Variants in WT1 observed in about 807,000 individuals in gnomAD.
WT1 encodes the protein Wilms tumor protein.
A neutral mutation model predicts 60.8 loss-of-function variants in WT1; 8 were observed. The observed-to-expected ratio is 0.13, with a 90% CI of 0.08 to 0.24. The LOEUF is 0.24. Ranked by LOEUF, WT1 falls within the 10% of genes least tolerant of loss-of-function variation. The pLI, the probability that WT1 is intolerant of heterozygous loss-of-function variation, is 1.00. For missense variants in WT1, 568 were observed against 711.8 expected (o/e 0.80, Z 2.30); for synonymous variants, 312 against 297.1 (o/e 1.05, Z -0.52).
At chr11:32,408,814 C>T (rs1852407183) in intron 5 of WT1, among the ~76,000 whole-genome samples, 2 of 152,074 alleles carry the variant, frequency 1.3e-5, no homozygotes, top group South Asian at 4.1e-4. Flanking sequence ...AGGACAACTA[C>T]CAAATAAAAC....
At chr11:32,429,105 C>A in intron 1 of WT1, 1 of 271,800 alleles carries the variant, frequency 3.7e-6, no homozygotes, top group Non-Finnish European at 7.2e-6. Context: ...TACTCGGAGC[C>A]AGTTAAATGG....
intron 3 of WT1, among the ~76,000 whole-genome samples, chr11:32,420,094 G>A (rs1022068721): frequency 9.9e-5 from 15 of 152,128 alleles, no homozygotes; most frequent in Admixed American, 2.6e-4. Flanking sequence ...GTACTGTACT[G>A]TCTAATATGG....
intron 9 of WT1, among the ~76,000 whole-genome samples, chr11:32,390,281 T>C (rs1343328988): frequency 1.3e-5 from 2 of 152,208 alleles, no homozygotes; most frequent in South Asian, 2.1e-4. Flanking sequence ...CACTGAGAAA[T>C]GTCCCAGGAG....
intron 3 of WT1, among the ~76,000 whole-genome samples, chr11:32,422,440 G>T (rs1033897394): frequency 6.6e-6 from 1 of 152,186 alleles, no homozygotes; most frequent in Non-Finnish European, 1.5e-5. Flanking sequence ...GCCTATCATT[G>T]CAGGAAACAA....
At position 32,427,992 on chromosome 11, in the gene WT1, C is replaced by CCGGTGCAGCTGT. The variant is rs1853116094; in HGVS notation, c.839_850dup (p.Asp280_Thr283dup). The CCGGTGCAGCTGT allele has an allele frequency of 6.2e-7, 1 of 1,611,750 alleles. No homozygotes were observed. The highest frequency in any genetic ancestry group is 8.5e-7 in the Non-Finnish European group (1 of 1,179,154). On this transcript the variant is annotated inframe_insertion, in exon 3 of 10. Coordinates refer to ENST00000452863, the MANE Select transcript of WT1 (RefSeq NM_024426.6). ...CGTCCTCAGCAGCAAAGCCTGGCTG[C>CCGGTGCAGCTGT]CGGTGCAGCTGTCGGTGGGGGTGTG... is the stretch of plus-strand genomic sequence containing the variant.
At chr11:32,398,421 A>G (rs1459279101) in intron 6 of WT1, among the ~76,000 whole-genome samples, 5 of 152,234 alleles carry the variant, frequency 3.3e-5, no homozygotes, top group Non-Finnish European at 7.3e-5. Flanking sequence ...GGGAAGGCAG[A>G]CTGAAGGTCT....
chr11:32,435,355 G>A lies in WT1; in HGVS notation c.6C>T (p.Asp2=), dbSNP rs1408850875. Residue 2 remains aspartate, a synonymous_variant, in exon 1 of 10, where the codon GAC becomes GAT. Coordinates refer to ENST00000452863, the MANE Select transcript of WT1 (RefSeq NM_024426.6). ...AAGCCGGGTCCTGCAGCAAGAGGAAGTCCAGGATCGCGGCGAGGAGACGGC... is the reference window on the plus strand; with the variant it reads ...AAGCCGGGTCCTGCAGCAAGAGGAAATCCAGGATCGCGGCGAGGAGACGGC... The A allele has an allele frequency of 6.6e-7, 1 of 1,526,668 alleles. No homozygotes were observed. The highest frequency in any genetic ancestry group is 8.8e-7 in the Non-Finnish European group (1 of 1,142,728). The allele number at this position is 1,526,668 out of a possible 1,614,324, so 94.6% of individuals were successfully genotyped here.
At chr11:32,407,997 C>T (rs916772137) in intron 5 of WT1, among the ~76,000 whole-genome samples, 8 of 151,756 alleles carry the variant, frequency 5.3e-5, no homozygotes, top group Non-Finnish European at 7.4e-5. Context: ...CTGAGGCAGG[C>T]GGATCATTTG....
chr11:32,426,207 C>G (rs1448417494), intron 3 of WT1, among the ~76,000 whole-genome samples: 1 of 152,164 alleles, frequency 6.6e-6, no homozygotes, highest in Non-Finnish European at 1.5e-5. Context: ...AGTGCCCACT[C>G]CCGCATCAAG....
At chr11:32,416,042 T>C (rs1483536254) in intron 5 of WT1, among the ~76,000 whole-genome samples, 1 of 152,164 alleles carries the variant, frequency 6.6e-6, no homozygotes, top group Non-Finnish European at 1.5e-5. Flanking sequence ...AAAACAAACT[T>C]TGAAAAACAA....
In WT1 at chr11:32,434,800, A is replaced by G. The variant is rs2133102109; in HGVS notation, c.561T>C (p.Pro187=). The G allele has an allele frequency of 6.2e-7, 1 of 1,612,552 alleles. No individual in the cohort carries two copies. Among genetic ancestry groups the G allele is most frequent in the Non-Finnish European group, 8.5e-7 (1 of 1,179,786 alleles). The change falls in exon 1 of 10, where the codon CCT becomes CCC. Residue 187 remains proline (P), a synonymous_variant. Transcript: ENST00000452863. ...CGGATGACGCCTGGCTGGGCGGAGG[A>G]GGACCGAAGGGCCCGTAGCGACAGG...
chr11:32,430,814 G>T, intron 1 of WT1: 2 of 1,294,860 alleles, frequency 1.5e-6, no homozygotes, highest in Non-Finnish European at 2.0e-6. Context: ...TGGTGAAAGC[G>T]CCTGCGGAGC....
chr11:32,424,686 T>A (rs1259979763), intron 3 of WT1, among the ~76,000 whole-genome samples: 3 of 152,192 alleles, frequency 2.0e-5, no homozygotes, highest in African/African-American at 7.2e-5. Context: ...CTGTTGTTCA[T>A]AGCCACAACA....
intron 5 of WT1, among the ~76,000 whole-genome samples, chr11:32,402,717 T>C (rs1852193366): frequency 6.6e-6 from 1 of 152,224 alleles, no homozygotes; most frequent in Non-Finnish European, 1.5e-5. Context: ...AGCTGATTTT[T>C]ATTTTTATCT....
intron 5 of WT1, among the ~76,000 whole-genome samples, chr11:32,415,833 C>T (rs1182633184): frequency 6.6e-6 from 1 of 152,032 alleles, no homozygotes; most frequent in Non-Finnish European, 1.5e-5. Context: ...AAGAACCTAA[C>T]AGTAAGTCTT....
At chr11:32,404,375 C>T (rs1245506329) in intron 5 of WT1, among the ~76,000 whole-genome samples, 4 of 151,096 alleles carry the variant, frequency 2.6e-5, no homozygotes, top group Non-Finnish European at 5.9e-5. Context: ...TGCTGAATGA[C>T]AGGGAGAAGG....
intron 6 of WT1, among the ~76,000 whole-genome samples, chr11:32,399,346 A>G (rs1259422458): frequency 6.6e-6 from 1 of 152,168 alleles, no homozygotes; most frequent in Non-Finnish European, 1.5e-5. Context: ...ACAAAAAGTG[A>G]ACCCTAATGT....
intron 1 of WT1, chr11:32,430,706 C>G (rs1853274663): frequency 7.0e-7 from 1 of 1,422,446 alleles, no homozygotes; most frequent in Non-Finnish European, 9.2e-7. Context: ...CCGTGGCCCG[C>G]GAGCCCTCCT....
intron 7 of WT1, 104 bp downstream of exon 7, chr11:32,396,152 CT>C (rs1851962441): frequency 1.3e-6 from 2 of 1,534,196 alleles, no homozygotes; most frequent in South Asian, 2.3e-5. Flanking sequence ...CAAAGCAGTG[CT>C]TACTTTCCAT....
Sources: allele counts gnomAD v4.1 joint callset (sites outside exome capture counted in the v4.1 genomes callset), GRCh38; gene constraint gnomAD v4.1.1; transcripts MANE v1.5; gene names NCBI Gene and HGNC (gene_info 2026-07-23, HGNC 2026-07-21).